Variants in NUMBL observed in about 807,000 individuals in gnomAD.
NUMBL encodes the protein numb-like protein.
In NUMBL, 20 loss-of-function variants were observed where a neutral mutation model predicts 48.9. The observed-to-expected ratio is 0.41, with a 90% CI of 0.29 to 0.59. The LOEUF (loss-of-function observed/expected upper bound fraction) is 0.59, where lower values mean the gene tolerates loss of function less well. Among genes scored for constraint, NUMBL ranks in the 20% least tolerant of loss-of-function variants. The probability of loss-of-function intolerance (pLI) is 0.31; values close to 1 mark genes in which losing one functional copy is unlikely to be tolerated. For missense variants in NUMBL, 660 were observed against 846.2 expected, an observed-to-expected ratio of 0.78 and a Z score of 2.73; for synonymous variants, 340 against 348.7, an observed-to-expected ratio of 0.98 and a Z score of 0.28.
chr19:40,681,924 T>C (rs2081907383), intron 5 of NUMBL, among the ~76,000 whole-genome samples: 1 of 152,138 alleles, frequency 6.6e-6, no homozygotes, highest in Admixed American at 6.5e-5. Context: ...CCAACTGCCC[T>C]GGCCTCCCAA....
At chr19:40,684,798 C>A in intron 2 of NUMBL, 7 of 461,954 alleles carry the variant, frequency 1.5e-5, no homozygotes, top group East Asian at 4.2e-5. Context: ...AACCATGGGG[C>A]TAAGGGGCTG....
intron 7 of NUMBL, among the ~76,000 whole-genome samples, chr19:40,675,553 G>A (rs1415651071): frequency 6.9e-6 from 1 of 145,166 alleles, no homozygotes; most frequent in Admixed American, 7.0e-5. Context: ...GGTGACTCAG[G>A]ACATACATAC....
intron 6 of NUMBL, among the ~76,000 whole-genome samples, chr19:40,679,834 A>T (rs1354748874): frequency 6.6e-6 from 1 of 152,128 alleles, no homozygotes; most frequent in Non-Finnish European, 1.5e-5. Context: ...GACGGGGTGA[A>T]TTGATGAATG....
intron 2 of NUMBL, among the ~76,000 whole-genome samples, chr19:40,686,448 C>A (rs2081934838): frequency 6.6e-6 from 1 of 152,148 alleles, no homozygotes; most frequent in Admixed American, 6.5e-5. Flanking sequence ...AGGCATTGAG[C>A]CACCACGCCC....
In NUMBL at chr19:40,683,000, GA is replaced by G. The variant is rs1868546722; in HGVS notation, c.250-33del. On this transcript the variant is annotated intron_variant, in intron 3 of 9. Transcript: ENST00000252891. This position sits in a 1 kb window ranked among gnomAD's most constrained non-coding sequence, Gnocchi z 4.0. ...TTGGAGGGAATGGGGGGGGGGACAT[GA>G]AACAGCACAGTAATCACTCATTCTC... 6.4e-7 allele frequency: 1 copy of G among 1,556,628 alleles called. No homozygotes were observed. Among genetic ancestry groups the G allele is most frequent in the African/African-American group, 1.4e-5 (1 of 72,458 alleles).
chr19:40,670,104 C>T (rs2081839384), intron 8 of NUMBL, 84 bp from the exon 9 acceptor site: 2 of 1,516,250 alleles, frequency 1.3e-6, no homozygotes, highest in African/African-American at 1.4e-5. Context: ...CCTCGGTGGC[C>T]CTCTCTTCTG....
rs138272180 is a variant in NUMBL at position 40,673,906 on chromosome 19, C to A, written c.731-257G>T. Reference sequence around the variant, plus strand: ...CAGCTTCCTGCCCCTTTCTGTCTTGCCCTGCTGCTCTCACCATTCTTCCCT... The same window carrying A: ...CAGCTTCCTGCCCCTTTCTGTCTTGACCTGCTGCTCTCACCATTCTTCCCT... On this transcript the variant is annotated intron_variant, in intron 7 of 9. Transcript: ENST00000252891. This position sits in a 1 kb window ranked among gnomAD's most constrained non-coding sequence, Gnocchi z 5.9. 2.8e-3 allele frequency among the ~76,000 whole-genome samples: 429 copies of A among 152,264 alleles called. 3 individuals are homozygous for A. Among genetic ancestry groups the A allele is most frequent in the African/African-American group, 1.0e-2 (414 of 41,536 alleles).
chr19:40,673,759 T>C lies in NUMBL; in HGVS notation c.731-110A>G. The C allele has an allele frequency of 9.5e-7, 1 of 1,055,296 alleles. No individual in the cohort carries two copies. Among genetic ancestry groups the C allele is most frequent in the Non-Finnish European group, 1.3e-6 (1 of 754,914 alleles). 65.4% of individuals were successfully genotyped at this position (1,055,296 alleles called of 1,614,324 possible). On this transcript the variant is annotated intron_variant, in intron 7 of 9. Coordinates refer to ENST00000252891, the MANE Select transcript of NUMBL (RefSeq NM_004756.5). The surrounding 1 kb of genome is among the most constrained non-coding windows in gnomAD (Gnocchi z 5.9). Reference sequence around the variant, plus strand: ...AAGGCTGCCTTCCTTGCCCAGTGAGTCCTGCCCTTAAGACAAGCTAGTCAA... The same window carrying C: ...AAGGCTGCCTTCCTTGCCCAGTGAGCCCTGCCCTTAAGACAAGCTAGTCAA...
At chr19:40,683,709 G>A (rs2081917718) in intron 3 of NUMBL, among the ~76,000 whole-genome samples, 2 of 152,192 alleles carry the variant, frequency 1.3e-5, no homozygotes, top group South Asian at 4.1e-4. Context: ...TCGGTAGAGC[G>A]CTTTGCAAAT....
At chr19:40,684,642 A>T in intron 2 of NUMBL, 86 bp from the exon 3 acceptor site, 1 of 1,479,304 alleles carries the variant, frequency 6.8e-7, no homozygotes, top group South Asian at 1.4e-5. Flanking sequence ...CTCAGGGAGC[A>T]TGGGGTCAGA....
At chr19:40,680,173 C>T (rs1437603997) in intron 6 of NUMBL, among the ~76,000 whole-genome samples, 1 of 151,220 alleles carries the variant, frequency 6.6e-6, no homozygotes, top group African/African-American at 2.4e-5. Context: ...GCTCTGTCAC[C>T]CAGGCTGGAG....
chr19:40,686,477 TGA>T (rs1266899576), intron 2 of NUMBL, among the ~76,000 whole-genome samples: 1 of 152,216 alleles, frequency 6.6e-6, no homozygotes, highest in Non-Finnish European at 1.5e-5. Flanking sequence ...GTGTGTCTCT[TGA>T]GAGTGTGTAT....
chr19:40,674,586 A>C (rs1318266305), intron 7 of NUMBL, among the ~76,000 whole-genome samples: 1 of 152,110 alleles, frequency 6.6e-6, no homozygotes, highest in African/African-American at 2.4e-5. Context: ...TCCCATAAGG[A>C]TGTCGCCCAG....
chr19:40,675,761 ACTCT>A (rs1004539306), intron 7 of NUMBL, among the ~76,000 whole-genome samples: 14 of 151,466 alleles, frequency 9.2e-5, no homozygotes, highest in East Asian at 3.9e-4. Context: ...ACACACACAC[ACTCT>A]CTCTCTCAAA....
In NUMBL at chr19:40,673,020, C is replaced by T. The variant is rs778973499; in HGVS notation, c.1036+324G>A. ...CATGCCCGACTTCTTTGTCCATAGC[C>T]GACTTTGCTAACTAATCATGATGTG... On this transcript the variant is annotated intron_variant, in intron 8 of 9. Transcript: ENST00000252891. This position sits in a 1 kb window ranked among gnomAD's most constrained non-coding sequence, Gnocchi z 5.9. Among the ~76,000 whole-genome samples the T allele has an allele frequency of 5.3e-5, 8 of 152,078 alleles. No homozygotes were observed. Among genetic ancestry groups the T allele is most frequent in the Non-Finnish European group, 1.0e-4 (7 of 68,020 alleles).
In NUMBL at chr19:40,682,985, T is replaced by TAG. The variant is rs780482230; in HGVS notation, c.250-18_250-17insCT. On this transcript the variant is annotated splice_polypyrimidine_tract_variant and intron_variant, in intron 3 of 9. Transcript: ENST00000252891. The surrounding 1 kb of genome is among the most constrained non-coding windows in gnomAD (Gnocchi z 4.0). ...ACCCAGGTACTTGGGTTGGAGGGAA[T>TAG]GGGGGGGGGGACATGAAACAGCACA... The TAG allele has an allele frequency of 5.5e-6, 8 of 1,444,112 alleles. No homozygotes were observed. The African/African-American group carries it at 1.1e-4, about 21-fold the overall frequency. The allele number at this position is 1,444,112 out of a possible 1,614,324, so 89.5% of individuals were successfully genotyped here.
Position 40,667,614 on chromosome 19 carries a change from AG to A in NUMBL, c.1683del (p.Trp562GlyfsTer23). 2 of 1,554,694 alleles carry A rather than the reference AG, an allele frequency of 1.3e-6. No individual in the cohort carries two copies. Among genetic ancestry groups the A allele is most frequent in the Non-Finnish European group, 8.7e-7 (1 of 1,149,270 alleles). ...GGGGCAGGCGCTGGCTCAGGGGGCC[AG>A]GGGGCCCCATTGGGGCGAGGGCGGG... ...SQARPRPNGA[P>X]WPPEPAPAPA... On this transcript the variant is annotated frameshift_variant, in exon 10 of 10. Coordinates refer to ENST00000252891, the MANE Select transcript of NUMBL (RefSeq NM_004756.5). LOFTEE classifies it high-confidence loss of function. This position sits in a 1 kb window ranked among gnomAD's most constrained non-coding sequence, Gnocchi z 6.1.
chr19:40,682,985 T>TGG lies in NUMBL; in HGVS notation c.250-19_250-18dup, dbSNP rs3833218. On this transcript the variant is annotated splice_polypyrimidine_tract_variant and intron_variant, in intron 3 of 9. Coordinates refer to ENST00000252891, the MANE Select transcript of NUMBL (RefSeq NM_004756.5). This position sits in a 1 kb window ranked among gnomAD's most constrained non-coding sequence, Gnocchi z 4.0. ...ACCCAGGTACTTGGGTTGGAGGGAATGGGGGGGGGGACATGAAACAGCACA... is the reference window on the plus strand; with the variant it reads ...ACCCAGGTACTTGGGTTGGAGGGAATGGGGGGGGGGGGACATGAAACAGCACA... 196,331 of 1,382,606 alleles carry TGG rather than the reference T, an allele frequency of 0.14. 3,320 individuals are homozygous for TGG. The highest frequency in any genetic ancestry group is 0.21 in the African/African-American group (14,486 of 67,916). 85.6% of individuals were successfully genotyped at this position (1,382,606 alleles called of 1,614,324 possible).
chr19:40,685,202 G>A (rs555926854), intron 2 of NUMBL: 191 of 154,924 alleles, frequency 1.2e-3, no homozygotes, highest in African/African-American at 4.5e-3. Context: ...AGGGCTGTGG[G>A]TGTGTGGAGT....
Sources: gnomAD v4.1 joint callset for allele counts (sites outside exome capture counted in the v4.1 genomes callset) on GRCh38, gnomAD v4.1.1 for gene constraint, Gnocchi (gnomAD v3.1) non-coding constraint, MANE v1.5 for transcripts, NCBI Gene and HGNC (gene_info 2026-07-23, HGNC 2026-07-21) for gene names.